Variants in IFT43 observed in about 807,000 individuals in gnomAD.
The protein encoded by IFT43 is intraflagellar transport 43, also known as intraflagellar transport protein 43 homolog.
In IFT43, 33 loss-of-function variants were observed where a neutral mutation model predicts 32.3. That is an observed-to-expected ratio of 1.02 (90% CI 0.77 to 1.37). The LOEUF is 1.37. IFT43 is among the 40% of genes most tolerant of loss of function. The probability of loss-of-function intolerance (pLI) is 0.00; values close to 1 mark genes in which losing one functional copy is unlikely to be tolerated. For missense variants in IFT43, 274 were observed against 265.9 expected, an observed-to-expected ratio of 1.03 and a Z score of -0.21; for synonymous variants, 93 against 98.2, an observed-to-expected ratio of 0.95 and a Z score of 0.31.
chr14:76,024,016 G>A (rs2036343347), intron 3 of IFT43, among the ~76,000 whole-genome samples: 1 of 152,080 alleles, frequency 6.6e-6, no homozygotes, highest in Non-Finnish European at 1.5e-5. Flanking sequence ...TATCACTAGA[G>A]ACAGAAACTA....
At chr14:76,014,706 A>G (rs1225909864) in intron 2 of IFT43, among the ~76,000 whole-genome samples, 1 of 152,104 alleles carries the variant, frequency 6.6e-6, no homozygotes, top group Middle Eastern at 3.2e-3. Flanking sequence ...AATTCTGTTT[A>G]GCTTTTAGAC....
chr14:76,042,103 C>T (rs188539348), intron 3 of IFT43, among the ~76,000 whole-genome samples: 13 of 133,342 alleles, frequency 9.7e-5, no homozygotes, highest in Non-Finnish European at 1.9e-4. Context: ...GTTGTATGGA[C>T]GAGGACACAC....
intron 2 of IFT43, among the ~76,000 whole-genome samples, chr14:75,999,287 T>A (rs1348017124): frequency 7.6e-4 from 46 of 60,272 alleles, no homozygotes; most frequent in Admixed American, 1.3e-3. Context: ...ATATATTTTT[T>A]TTTTTTTTTT....
chr14:76,076,230 C>T (rs1267982622), intron 5 of IFT43, among the ~76,000 whole-genome samples: 1 of 152,204 alleles, frequency 6.6e-6, no homozygotes, highest in Non-Finnish European at 1.5e-5. Context: ...CATCATTAAG[C>T]ACCCTGAGGA....
chr14:76,073,788 C>A (rs539594030), intron 5 of IFT43, among the ~76,000 whole-genome samples: 49 of 152,304 alleles, frequency 3.2e-4, no homozygotes, highest in African/African-American at 1.1e-3. Flanking sequence ...TTGAAAATTG[C>A]AGCAGCGGAG....
At chr14:76,022,990 G>T (rs2036323048) in intron 3 of IFT43, among the ~76,000 whole-genome samples, 2 of 152,156 alleles carry the variant, frequency 1.3e-5, no homozygotes, top group South Asian at 2.1e-4. Context: ...CTGTAAGCTG[G>T]CATGAATATT....
chr14:76,024,980 G>C (rs2036362980), intron 3 of IFT43, among the ~76,000 whole-genome samples: 1 of 152,204 alleles, frequency 6.6e-6, no homozygotes, highest in Non-Finnish European at 1.5e-5. Flanking sequence ...GTCAGAAGGA[G>C]CAAGTGCTTA....
chr14:76,055,949 T>C (rs901863040), intron 3 of IFT43, among the ~76,000 whole-genome samples: 1 of 152,038 alleles, frequency 6.6e-6, no homozygotes, highest in Non-Finnish European at 1.5e-5. Flanking sequence ...CAATGCGGGG[T>C]CGGGGGAGCT....
chr14:75,986,432 C>T, intron 1 of IFT43: 2 of 234,974 alleles, frequency 8.5e-6, no homozygotes, highest in East Asian at 1.6e-4. Flanking sequence ...GAGCATAGAG[C>T]TGTTGCCTGG....
intron 1 of IFT43, chr14:75,986,201 T>C (rs1184382084): frequency 3.8e-6 from 5 of 1,310,546 alleles, no homozygotes; most frequent in Non-Finnish European, 5.0e-6. Context: ...TCGCACTCGC[T>C]CCCATCCTAG....
intron 2 of IFT43, among the ~76,000 whole-genome samples, chr14:76,021,978 C>T (rs1321611446): frequency 1.3e-5 from 2 of 152,200 alleles, no homozygotes; most frequent in Non-Finnish European, 2.9e-5. Context: ...TGGTTGGGCG[C>T]GGTGGCTCAC....
chr14:76,060,048 T>C (rs1302833702), intron 5 of IFT43, among the ~76,000 whole-genome samples: 1 of 152,170 alleles, frequency 6.6e-6, no homozygotes, highest in African/African-American at 2.4e-5. Context: ...AGTTAGTTAA[T>C]GGCTAGCTAT....
chr14:76,024,512 A>G (rs575700841), intron 3 of IFT43, among the ~76,000 whole-genome samples: 2 of 152,370 alleles, frequency 1.3e-5, no homozygotes, highest in East Asian at 3.9e-4. Flanking sequence ...TAAAGTGGCA[A>G]TAATAACGCC....
chr14:76,013,921 A>G (rs2036133275), intron 2 of IFT43: 1 of 234,278 alleles, frequency 4.3e-6, no homozygotes, highest in Non-Finnish European at 9.3e-6. Context: ...AAACAATGAC[A>G]AAAAGGAGCA....
At position 75,988,282 on chromosome 14, in the gene IFT43, G is replaced by C. The variant is rs1318416211; in HGVS notation, c.55-603G>C. On this transcript the variant is annotated intron_variant, in intron 1 of 8. Transcript: ENST00000314067. ...TGGTCCCAGCTACTCAGGAGGGCAAGGTAGGAGGATCACTTGAGCCTAGGG... is the reference window on the plus strand; with the variant it reads ...TGGTCCCAGCTACTCAGGAGGGCAACGTAGGAGGATCACTTGAGCCTAGGG... Among the ~76,000 whole-genome samples the C allele has an allele frequency of 2.6e-5, 4 of 152,224 alleles. No individual in the cohort carries two copies. The East Asian group carries it at 5.8e-4, about 22-fold the overall frequency.
chr14:76,039,632 G>C (rs966560387), intron 3 of IFT43, among the ~76,000 whole-genome samples: 1 of 152,102 alleles, frequency 6.6e-6, no homozygotes, highest in Non-Finnish European at 1.5e-5. Context: ...TGAGACATTA[G>C]AACTACTGGT....
Position 76,059,374 on chromosome 14 carries a change from G to A in IFT43, c.295+1G>A. The stretch of plus-strand genomic sequence containing the variant: ...CTGAATGGATCAGATTATGGAGGAG[G>A]TAAGAGGCCCTTGGAGGAAGTCAAA... On this transcript the variant is annotated splice_donor_variant, in intron 5 of 8. Transcript: ENST00000314067. LOFTEE classifies it high-confidence loss of function. 2 of 1,613,936 alleles carry A rather than the reference G, an allele frequency of 1.2e-6. No individual in the cohort carries two copies. Among genetic ancestry groups the A allele is most frequent in the Non-Finnish European group, 1.7e-6 (2 of 1,179,836 alleles).
At chr14:76,025,175 A>T (rs1194715564) in intron 3 of IFT43, among the ~76,000 whole-genome samples, 1 of 152,230 alleles carries the variant, frequency 6.6e-6, no homozygotes, top group Admixed American at 6.5e-5. Flanking sequence ...AATAGTCATT[A>T]TTCTAGTTTA....
intron 1 of IFT43, among the ~76,000 whole-genome samples, chr14:75,987,403 C>T (rs933394895): frequency 3.3e-5 from 5 of 152,132 alleles, no homozygotes; most frequent in Admixed American, 6.5e-5. Flanking sequence ...TTCTGTAACC[C>T]CTCTCAGTTT....
Sources: gnomAD v4.1 joint callset for allele counts (sites outside exome capture counted in the v4.1 genomes callset) on GRCh38, gnomAD v4.1.1 for gene constraint, MANE v1.5 for transcripts, NCBI Gene and HGNC (gene_info 2026-07-23, HGNC 2026-07-21) for gene names.